The following EGF variants were observed in gnomAD, a reference collection of about 807,000 sequenced individuals.
EGF encodes epidermal growth factor, also known as pro-epidermal growth factor.
Under a neutral mutation model 143.8 loss-of-function variants are expected in EGF, and 95 were observed. The observed-to-expected ratio is 0.66, with a 90% CI of 0.56 to 0.78. The LOEUF (loss-of-function observed/expected upper bound fraction) is 0.78. Ranked by LOEUF, EGF falls within the 30% of genes least tolerant of loss-of-function variation. EGF has a pLI of 0.00. For missense variants in EGF, 1,320 were observed against 1,470.9 expected, an observed-to-expected ratio of 0.90 and a Z score of 1.68; for synonymous variants, 510 against 510.5, an observed-to-expected ratio of 1.00 and a Z score of 0.01.
chr4:109,913,096 C>G lies in EGF; in HGVS notation c.-240C>G. On this transcript the variant is annotated 5_prime_UTR_variant, in exon 1 of 24. Coordinates refer to ENST00000265171, the MANE Select transcript of EGF (RefSeq NM_001963.6). The stretch of plus-strand genomic sequence containing the variant: ...GTGTCAGGTATTTCTTACTGGCTTC[C>G]AAAGAAACATAGATAAAGAAATCTT... The G allele has an allele frequency of 2.2e-6, 1 of 463,400 alleles. No homozygotes were observed. The highest frequency in any genetic ancestry group is 2.1e-5 in the South Asian group (1 of 48,072). The allele number at this position is 463,400 out of a possible 1,614,324, so 28.7% of individuals were successfully genotyped here. A position where few individuals can be genotyped will look rare whatever the true frequency, so the allele number is the denominator to read the frequency against.
intron 13 of EGF, among the ~76,000 whole-genome samples, 187 bp downstream of exon 13, chr4:109,976,422 G>A (rs1399576820): frequency 6.6e-6 from 1 of 152,204 alleles, no homozygotes; most frequent in Non-Finnish European, 1.5e-5. Flanking sequence ...GTAAAAAATA[G>A]TGTTGCGTAA....
intron 5 of EGF, among the ~76,000 whole-genome samples, chr4:109,946,591 G>A (rs923592856): frequency 4.6e-5 from 7 of 152,270 alleles, no homozygotes; most frequent in African/African-American, 1.7e-4. Flanking sequence ...ATCACGAGGT[G>A]TAACTACATA....
intron 13 of EGF, 126 bp from the exon 14 acceptor site, chr4:109,979,846 A>AT: frequency 8.6e-7 from 1 of 1,159,694 alleles, no homozygotes; most frequent in Admixed American, 1.9e-5. Context: ...CTCACTCATA[A>AT]CTTGCTGAGT....
chr4:109,932,360 CATAT>C (rs57424246), intron 1 of EGF, among the ~76,000 whole-genome samples: 1 of 87,052 alleles, frequency 1.1e-5, no homozygotes, highest in Non-Finnish European at 2.3e-5. Context: ...CCCATTTAGT[CATAT>C]ATATATATAT....
chr4:109,919,287 GTCTCTCTCTC>G (rs58110007), intron 1 of EGF, among the ~76,000 whole-genome samples: 4,520 of 75,796 alleles, frequency 0.06, 74 homozygotes, highest in African/African-American at 0.11. Flanking sequence ...ATGCTTCTCT[GTCTCTCTCTC>G]TCTCTCTCTC....
intron 1 of EGF, among the ~76,000 whole-genome samples, chr4:109,918,900 C>T (rs929083330): frequency 1.3e-5 from 2 of 152,080 alleles, no homozygotes; most frequent in African/African-American, 4.8e-5. Context: ...TTTTCTTGGG[C>T]CTTAGTCTTC....
At chr4:109,961,815 T>A (rs112916140) in intron 7 of EGF, 48 bp from the exon 8 acceptor site, 6 of 1,610,016 alleles carry the variant, frequency 3.7e-6, no homozygotes, top group African/African-American at 2.7e-5. Flanking sequence ...AATAAATTTT[T>A]GCAAACCCGA....
chr4:109,969,848 C>T (rs939173755), intron 11 of EGF, among the ~76,000 whole-genome samples: 1 of 152,074 alleles, frequency 6.6e-6, no homozygotes, highest in African/African-American at 2.4e-5. Flanking sequence ...AATTCTTGGT[C>T]TAAATAGCAG....
chr4:109,918,609 A>G (rs1737130046), intron 1 of EGF, among the ~76,000 whole-genome samples: 1 of 152,118 alleles, frequency 6.6e-6, no homozygotes, highest in Admixed American at 6.5e-5. Context: ...TGATTCATCT[A>G]CTGTGTGTCT....
At chr4:109,961,115 A>G in intron 7 of EGF, 126 bp downstream of exon 7, 4 of 1,125,606 alleles carry the variant, frequency 3.6e-6, no homozygotes, top group Non-Finnish European at 5.2e-6. Flanking sequence ...TTTGAGTTTT[A>G]TTTTGTTTGG....
chr4:109,920,482 G>C (rs895502907), intron 1 of EGF, among the ~76,000 whole-genome samples: 1 of 151,608 alleles, frequency 6.6e-6, no homozygotes, highest in Non-Finnish European at 1.5e-5. Context: ...GCGAGGAGAA[G>C]AGAGGCAGGC....
At chr4:109,958,633 TAAA>T (rs1745169682) in intron 5 of EGF, among the ~76,000 whole-genome samples, 1 of 152,054 alleles carries the variant, frequency 6.6e-6, no homozygotes, top group Admixed American at 6.6e-5. Flanking sequence ...ATATTACACT[TAAA>T]AAGTATTCTT....
rs148071262 is a variant in EGF, at chr4:109,917,835, G to A, written c.127+4373G>A. 6.2e-3 allele frequency among the ~76,000 whole-genome samples: 949 copies of A among 152,132 alleles called. 16 individuals are homozygous for A. The highest frequency in any genetic ancestry group is 0.022 in the African/African-American group (893 of 41,486). The stretch of plus-strand genomic sequence containing the variant: ...GGGTTTCATCATGTTGGCCAGGCTG[G>A]TCTCGAACTCCTGACCTCAAGTGAT... On this transcript the variant is annotated intron_variant, in intron 1 of 23. Transcript: ENST00000265171.
In EGF at chr4:109,994,741, C is replaced by G. The variant is rs1215771991; in HGVS notation, c.2866C>G (p.Pro956Ala). Residue 956 changes from proline (P) to alanine (A), a missense_variant, in exon 20 of 24, where the codon CCA becomes GCA. By Grantham distance (27) the Pro-to-Ala change is conservative (BLOSUM62 -1). Around this residue, in one of 5 missense-constraint regions of EGF, gnomAD observed 1,186 missense variants for 1,313.7 expected, o/e 0.90. Coordinates refer to ENST00000265171, the MANE Select transcript of EGF (RefSeq NM_001963.6). The stretch of plus-strand genomic sequence containing the variant: ...GTCTTGGGTTCTTTTAGACTCTACT[C>G]CACCCCCTCACCTCAGGGAAGATGA... ...EPGLICPDST[P>A]PPHLREDDHH... 2 of 1,613,942 alleles carry G rather than the reference C, an allele frequency of 1.2e-6. No individual in the cohort carries two copies. Among genetic ancestry groups the G allele is most frequent in the Admixed American group, 1.7e-5 (1 of 59,994 alleles).
chr4:109,968,707 T>TCTATCTATCTATCTATCTATCTAC (rs139653683), intron 10 of EGF: 6 of 351,424 alleles, frequency 1.7e-5, no homozygotes, highest in East Asian at 1.3e-4. Context: ...TATCTATCTA[T>TCTATCTATCTATCTATCTATCTAC]CTACCTACCT....
intron 13 of EGF, among the ~76,000 whole-genome samples, chr4:109,978,354 T>C (rs11569001): frequency 6.6e-6 from 1 of 152,258 alleles, no homozygotes; most frequent in Non-Finnish European, 1.5e-5. Flanking sequence ...ATTGTGGTTC[T>C]TCTGTAAACA....
At chr4:109,994,678 C>T (rs1421797405) in intron 19 of EGF, 55 bp from the exon 20 acceptor site, 1 of 1,589,870 alleles carries the variant, frequency 6.3e-7, no homozygotes, top group African/African-American at 1.3e-5. Flanking sequence ...CATATTGATA[C>T]TTGAAAGACA....
intron 5 of EGF, among the ~76,000 whole-genome samples, chr4:109,954,269 C>T (rs1481463975): frequency 6.6e-6 from 1 of 152,186 alleles, no homozygotes; most frequent in Non-Finnish European, 1.5e-5. Context: ...CCAGGCTAGT[C>T]TCCAACTCCT....
intron 3 of EGF, 96 bp from the exon 4 acceptor site, chr4:109,943,746 C>A: frequency 9.6e-7 from 1 of 1,043,534 alleles, no homozygotes; most frequent in South Asian, 1.3e-5. Flanking sequence ...AATAGTCAAA[C>A]TTGCCCTGTG....
Sources: gnomAD v4.1 joint callset for allele counts (sites outside exome capture counted in the v4.1 genomes callset) on GRCh38, gnomAD v4.1.1 for gene constraint, gnomAD v4.1.1 regional missense constraint, MANE v1.5 for transcripts, NCBI Gene and HGNC (gene_info 2026-07-23, HGNC 2026-07-21) for gene names.